CTNND2: variants seen among roughly 807,000 people sequenced by gnomAD.
CTNND2 encodes the protein catenin delta 2.
Under a neutral mutation model 144.4 loss-of-function variants are expected in CTNND2, and 22 were observed. That is an observed-to-expected ratio of 0.15 (90% CI 0.11 to 0.22). The LOEUF (loss-of-function observed/expected upper bound fraction) is 0.22. Among genes scored for constraint, CTNND2 ranks in the 10% least tolerant of loss-of-function variants. The pLI is 1.00. For synonymous variants in CTNND2, 751 were observed against 695.6 expected, an observed-to-expected ratio of 1.08 and a Z score of -1.25; for missense variants, 1,353 against 1,618.8, an observed-to-expected ratio of 0.84 and a Z score of 2.82.
chr5:11,283,470 T>C (rs1454459147), intron 9 of CTNND2, among the ~76,000 whole-genome samples: 2 of 151,784 alleles, frequency 1.3e-5, no homozygotes, highest in East Asian at 3.9e-4. Context: ...AGTCAGGAGT[T>C]TGAGACCAGC....
chr5:10,975,946 C>T (rs577200342), intron 21 of CTNND2, among the ~76,000 whole-genome samples: 1 of 152,308 alleles, frequency 6.6e-6, no homozygotes, highest in South Asian at 2.1e-4. Context: ...TGGGTATCAG[C>T]TTTTTCAGCC....
At chr5:11,653,126 T>C (rs960411028) in intron 2 of CTNND2, among the ~76,000 whole-genome samples, 1 of 151,062 alleles carries the variant, frequency 6.6e-6, no homozygotes, top group Non-Finnish European at 1.5e-5. Context: ...ACCTACAATT[T>C]CTTTATCCAT....
At chr5:11,778,675 G>C (rs558474520) in intron 1 of CTNND2, among the ~76,000 whole-genome samples, 1 of 152,282 alleles carries the variant, frequency 6.6e-6, no homozygotes, top group South Asian at 2.1e-4. Flanking sequence ...ATCCTAGAGA[G>C]ACCTAACTAA....
chr5:11,121,514 G>A (rs1754137005), intron 12 of CTNND2, among the ~76,000 whole-genome samples: 1 of 152,150 alleles, frequency 6.6e-6, no homozygotes. Flanking sequence ...CAGTTGCTAT[G>A]TCATTGGGAA....
At chr5:11,892,248 A>G (rs2168878) in intron 1 of CTNND2, among the ~76,000 whole-genome samples, 28,569 of 152,224 alleles carry the variant, frequency 0.19, 3,225 homozygotes, top group Admixed American at 0.27. Flanking sequence ...GATTTCATGC[A>G]AAGAGTACAT....
intron 1 of CTNND2, among the ~76,000 whole-genome samples, chr5:11,839,145 T>A (rs1368228189): frequency 1.3e-5 from 2 of 151,986 alleles, no homozygotes; most frequent in African/African-American, 2.4e-5. Flanking sequence ...TTATTAGCTG[T>A]CCAAGTAAGG....
intron 9 of CTNND2, among the ~76,000 whole-genome samples, chr5:11,269,010 C>A (rs1442162798): frequency 6.6e-6 from 1 of 152,096 alleles, no homozygotes; most frequent in East Asian, 1.9e-4. Context: ...TTCCTTTTAC[C>A]GAAACTTTTC....
intron 11 of CTNND2, among the ~76,000 whole-genome samples, chr5:11,189,744 T>A (rs1736051081): frequency 1.3e-5 from 2 of 152,194 alleles, no homozygotes; most frequent in Admixed American, 6.5e-5. Flanking sequence ...CACCCCTAAC[T>A]CTTGGGTCGT....
chr5:11,138,099 T>C (rs1042604814), intron 12 of CTNND2, among the ~76,000 whole-genome samples: 2 of 152,238 alleles, frequency 1.3e-5, no homozygotes, highest in Non-Finnish European at 2.9e-5. Flanking sequence ...TCCTGTTTCC[T>C]GACTGGTTGT....
intron 16 of CTNND2, 70 bp downstream of exon 16, chr5:11,082,626 A>C (rs1175499358): frequency 6.4e-7 from 1 of 1,565,904 alleles, no homozygotes; most frequent in Non-Finnish European, 8.7e-7. Flanking sequence ...ATACGGGTTC[A>C]ACCACACCTA....
chr5:11,738,701 A>G (rs188636505), intron 1 of CTNND2, among the ~76,000 whole-genome samples: 1 of 152,316 alleles, frequency 6.6e-6, no homozygotes, highest in Admixed American at 6.5e-5. Flanking sequence ...ATAACTGATG[A>G]TGTCTGTATC....
intron 3 of CTNND2, among the ~76,000 whole-genome samples, chr5:11,534,941 C>T (rs1347668444): frequency 1.3e-5 from 2 of 151,850 alleles, no homozygotes; most frequent in Admixed American, 1.3e-4. Flanking sequence ...TGTCCCAGCA[C>T]TTTGGGAGGC....
At chr5:11,189,556 A>AC (rs1270100994) in intron 11 of CTNND2, among the ~76,000 whole-genome samples, 1 of 152,224 alleles carries the variant, frequency 6.6e-6, no homozygotes, top group East Asian at 1.9e-4. Context: ...TTTCTTAATA[A>AC]CATTTTATTT....
chr5:11,804,660 C>CA (rs1369984553), intron 1 of CTNND2, among the ~76,000 whole-genome samples: 3 of 151,654 alleles, frequency 2.0e-5, no homozygotes. Flanking sequence ...ATAGAGATGG[C>CA]AAAAAATAAA....
chr5:11,433,204 C>G (rs1226501381), intron 3 of CTNND2, among the ~76,000 whole-genome samples: 1 of 150,216 alleles, frequency 6.7e-6, no homozygotes, highest in Non-Finnish European at 1.5e-5. Flanking sequence ...CCAGATCACG[C>G]CACTGCACTC....
chr5:11,083,401 G>C (rs1030058575), intron 15 of CTNND2, among the ~76,000 whole-genome samples: 1 of 152,178 alleles, frequency 6.6e-6, no homozygotes, highest in Non-Finnish European at 1.5e-5. Flanking sequence ...TGAAAAGCAA[G>C]AGTGCACATG....
chr5:11,343,635 T>C (rs912163501), intron 9 of CTNND2, among the ~76,000 whole-genome samples: 9 of 152,348 alleles, frequency 5.9e-5, no homozygotes, highest in African/African-American at 2.2e-4. Flanking sequence ...ACAATGTAGA[T>C]GTAGGTCCGC....
At chr5:11,138,568 A>C (rs1756386616) in intron 12 of CTNND2, among the ~76,000 whole-genome samples, 1 of 152,136 alleles carries the variant, frequency 6.6e-6, no homozygotes, top group South Asian at 2.1e-4. Flanking sequence ...CCCTGTGGTT[A>C]CCTGTGTCTC....
At chr5:11,859,008 A>C (rs1222600519) in intron 1 of CTNND2, among the ~76,000 whole-genome samples, 1 of 152,228 alleles carries the variant, frequency 6.6e-6, no homozygotes, top group African/African-American at 2.4e-5. Flanking sequence ...CCCCAAGTTA[A>C]ATGCTTTACA....
Sources: allele counts gnomAD v4.1 joint callset (sites outside exome capture counted in the v4.1 genomes callset), GRCh38; gene constraint gnomAD v4.1.1; transcripts MANE v1.5; gene names NCBI Gene and HGNC (gene_info 2026-07-23, HGNC 2026-07-21).